The following GNG12 variants were observed in gnomAD, a reference collection of about 807,000 sequenced individuals.
The protein encoded by GNG12 is guanine nucleotide-binding protein G(I)/G(S)/G(O) subunit gamma-12.
For missense variants in GNG12, 69 were observed against 83.8 expected, an observed-to-expected ratio of 0.82 and a Z score of 0.69; for synonymous variants, 28 against 29.7, an observed-to-expected ratio of 0.94 and a Z score of 0.19.
chr1:67,809,383 G>A (rs1332121423), intron 1 of GNG12, among the ~76,000 whole-genome samples: 1 of 152,034 alleles, frequency 6.6e-6, no homozygotes, highest in Non-Finnish European at 1.5e-5. Context: ...GTATGGCAAT[G>A]GCTTTTTACA....
chr1:67,786,935 A>ATATGTGTGTGTG (rs1332684243), intron 1 of GNG12, among the ~76,000 whole-genome samples: 5 of 133,406 alleles, frequency 3.7e-5, no homozygotes, highest in Non-Finnish European at 6.3e-5. Context: ...TTATATATAT[A>ATATGTGTGTGTG]TGTGTGTGTG....
intron 1 of GNG12, among the ~76,000 whole-genome samples, chr1:67,832,041 C>T (rs1647049038): frequency 6.6e-6 from 1 of 152,202 alleles, no homozygotes; most frequent in African/African-American, 2.4e-5. Flanking sequence ...CCTCTGACGA[C>T]ATCCAAAAGA....
chr1:67,734,780 G>A (rs760924858), intron 2 of GNG12, among the ~76,000 whole-genome samples: 3 of 152,120 alleles, frequency 2.0e-5, no homozygotes, highest in Non-Finnish European at 4.4e-5. Flanking sequence ...GCACACTACA[G>A]GGTCTGGCTC....
intron 2 of GNG12, among the ~76,000 whole-genome samples, chr1:67,732,450 G>T (rs1646425354): frequency 6.6e-6 from 1 of 152,142 alleles, no homozygotes; most frequent in Non-Finnish European, 1.5e-5. Flanking sequence ...AGGCCCTTGG[G>T]TTTCTTATTT....
chr1:67,713,267 ACT>A (rs1646306965), intron 2 of GNG12, among the ~76,000 whole-genome samples: 1 of 152,120 alleles, frequency 6.6e-6, no homozygotes, highest in Non-Finnish European at 1.5e-5. Flanking sequence ...GTCGGATAAC[ACT>A]CTGGCTATCA....
chr1:67,736,327 A>AG (rs2100706302), intron 2 of GNG12, among the ~76,000 whole-genome samples: 1 of 152,230 alleles, frequency 6.6e-6, no homozygotes, highest in South Asian at 2.1e-4. Flanking sequence ...AGCAGCAGGC[A>AG]GGGAGAATGT....
chr1:67,817,787 C>CTTTTTTTTTTTTTTTTTTTT (rs66518207), intron 1 of GNG12, among the ~76,000 whole-genome samples: 1 of 108,258 alleles, frequency 9.2e-6, no homozygotes, highest in Admixed American at 9.8e-5. Flanking sequence ...TTCTTTCTTT[C>CTTTTTTTTTTTTTTTTTTTT]TTTTTTTTTT....
intron 1 of GNG12, among the ~76,000 whole-genome samples, chr1:67,810,629 A>T (rs1646919404): frequency 1.3e-5 from 2 of 152,196 alleles, no homozygotes; most frequent in South Asian, 2.1e-4. Flanking sequence ...AGTCTGCCGC[A>T]ATGTCTGCTT....
chr1:67,709,926 ATATATATAGTTATATATATATAGT>A lies in GNG12; in HGVS notation c.-26-2238_-26-2215del, dbSNP rs869035184. Reference sequence around the variant, plus strand: ...TTTTTATATAGTTATATATATAGTTATATATATAGTTATATATATATAGTTATATATATAGTTATATATATAGTT... The same window carrying A: ...TTTTTATATAGTTATATATATAGTTATATATATATAGTTATATATATAGTT... On this transcript the variant is annotated intron_variant, in intron 2 of 3. Coordinates refer to ENST00000370982, the MANE Select transcript of GNG12 (RefSeq NM_018841.6). Among the ~76,000 whole-genome samples, 274 of 41,040 alleles carry A rather than the reference ATATATATAGTTATATATATATAGT, an allele frequency of 6.7e-3. 7 individuals are homozygous for A. Among genetic ancestry groups the A allele is most frequent in the Non-Finnish European group, 0.01 (240 of 22,864 alleles). 26.9% of individuals were successfully genotyped at this position (41,040 alleles called of 152,430 possible).
chr1:67,816,764 G>A (rs2100815896), intron 1 of GNG12, among the ~76,000 whole-genome samples: 1 of 152,292 alleles, frequency 6.6e-6, no homozygotes, highest in South Asian at 2.1e-4. Context: ...AGCCTGGCCA[G>A]CACCCGACAA....
chr1:67,758,510 C>T (rs1431891501), intron 2 of GNG12, among the ~76,000 whole-genome samples: 1 of 152,160 alleles, frequency 6.6e-6, no homozygotes, highest in East Asian at 1.9e-4. Flanking sequence ...GGCCTGGTGT[C>T]AGGATTGGGG....
At chr1:67,786,971 G>GTT (rs1557617381) in intron 1 of GNG12, among the ~76,000 whole-genome samples, 2 of 137,860 alleles carry the variant, frequency 1.5e-5, no homozygotes, top group Non-Finnish European at 3.3e-5. Flanking sequence ...GTGTGTGTGT[G>GTT]TGTGTGTGTG....
intron 2 of GNG12, among the ~76,000 whole-genome samples, chr1:67,716,086 A>G (rs1646323885): frequency 4.6e-5 from 7 of 152,208 alleles, no homozygotes; most frequent in Admixed American, 1.3e-4. Flanking sequence ...GCTTACAGGC[A>G]AGGCAAATGA....
At chr1:67,730,505 C>T (rs565022345) in intron 2 of GNG12, among the ~76,000 whole-genome samples, 1 of 151,900 alleles carries the variant, frequency 6.6e-6, no homozygotes, top group Admixed American at 6.6e-5. Flanking sequence ...ACGCCACCCC[C>T]CAACCGCCCC....
At chr1:67,706,111 G>A (rs1277892706) in intron 3 of GNG12, among the ~76,000 whole-genome samples, 1 of 152,142 alleles carries the variant, frequency 6.6e-6, no homozygotes, top group African/African-American at 2.4e-5. Context: ...AAGTACATGT[G>A]GTCAAATGTT....
chr1:67,770,874 G>A (rs767070658), intron 2 of GNG12, among the ~76,000 whole-genome samples: 1 of 152,200 alleles, frequency 6.6e-6, no homozygotes, highest in Non-Finnish European at 1.5e-5. Context: ...GTGGCCCTTG[G>A]TGGCTGGATG....
At chr1:67,812,277 G>A (rs780601611) in intron 1 of GNG12, among the ~76,000 whole-genome samples, 2 of 152,110 alleles carry the variant, frequency 1.3e-5, no homozygotes, top group Non-Finnish European at 2.9e-5. Context: ...AGATACCATA[G>A]ATTATTAAAA....
intron 2 of GNG12, chr1:67,777,074 T>C (rs1646709923): frequency 6.6e-6 from 1 of 152,200 alleles, no homozygotes; most frequent in Non-Finnish European, 1.5e-5. Context: ...CAGTATGTTT[T>C]ATGTTGTAGC....
intron 2 of GNG12, among the ~76,000 whole-genome samples, chr1:67,764,512 C>G (rs1242322832): frequency 6.6e-6 from 1 of 152,142 alleles, no homozygotes; most frequent in African/African-American, 2.4e-5. Flanking sequence ...TGAAAATGCT[C>G]TGAAATTAGA....
Sources: allele counts gnomAD v4.1 joint callset (sites outside exome capture counted in the v4.1 genomes callset), GRCh38; gene constraint gnomAD v4.1.1; transcripts MANE v1.5; gene names NCBI Gene and HGNC (gene_info 2026-07-23, HGNC 2026-07-21).